The following PRKACB variants were observed in gnomAD, a reference collection of about 807,000 sequenced individuals.
PRKACB encodes the protein protein kinase cAMP-activated catalytic subunit beta, also known as cAMP-dependent protein kinase catalytic subunit beta.
In PRKACB, 16 loss-of-function variants were observed where a neutral mutation model predicts 51.4. The ratio of observed to expected loss-of-function variants is 0.31; its 90% CI spans 0.21 to 0.47. The LOEUF is 0.47. Among genes scored for constraint, PRKACB ranks in the 20% least tolerant of loss-of-function variants. The pLI is 1.00. For synonymous variants in PRKACB, 147 were observed against 154.4 expected (o/e 0.95, Z 0.35); for missense variants, 309 against 464.5 (o/e 0.67, Z 3.08).
At chr1:84,100,109 T>G (rs553676764) in intron 1 of PRKACB, among the ~76,000 whole-genome samples, 84 of 152,306 alleles carry the variant, frequency 5.5e-4, no homozygotes, top group African/African-American at 1.9e-3. Flanking sequence ...CTCAGGAAAC[T>G]TACATTCATG....
At chr1:84,188,060 A>T (rs1048292802) in intron 5 of PRKACB, among the ~76,000 whole-genome samples, 3 of 152,150 alleles carry the variant, frequency 2.0e-5, no homozygotes, top group African/African-American at 7.2e-5. Flanking sequence ...TTCCCATAAA[A>T]GTACTTACAA....
At chr1:84,120,901 G>A (rs1432295313) in intron 1 of PRKACB, among the ~76,000 whole-genome samples, 2 of 151,986 alleles carry the variant, frequency 1.3e-5, no homozygotes, top group African/African-American at 4.8e-5. Context: ...AGAAACACCA[G>A]GTAATGGTCC....
At chr1:84,219,616 G>A (rs887024462) in intron 9 of PRKACB, among the ~76,000 whole-genome samples, 8 of 150,968 alleles carry the variant, frequency 5.3e-5, no homozygotes, top group African/African-American at 2.0e-4. Context: ...TTCATTTTGA[G>A]TGATTTGGGG....
chr1:84,084,660 A>G (rs528045276), intron 1 of PRKACB, among the ~76,000 whole-genome samples: 6 of 152,264 alleles, frequency 3.9e-5, no homozygotes, highest in African/African-American at 1.2e-4. Flanking sequence ...AGCAGAATGT[A>G]TTGTACTGAT....
intron 1 of PRKACB, among the ~76,000 whole-genome samples, chr1:84,094,604 C>G (rs1648782551): frequency 6.6e-6 from 1 of 151,842 alleles, no homozygotes; most frequent in African/African-American, 2.4e-5. Context: ...TTGATACTTG[C>G]CTTATGGGTC....
At chr1:84,232,963 T>A (rs1675984022) in intron 9 of PRKACB, among the ~76,000 whole-genome samples, 2 of 152,126 alleles carry the variant, frequency 1.3e-5, no homozygotes, top group African/African-American at 4.8e-5. Context: ...ATTATGATGT[T>A]AGCTTGTTAT....
intron 1 of PRKACB, among the ~76,000 whole-genome samples, chr1:84,132,120 A>T (rs11163908): frequency 0.49 from 74,970 of 151,918 alleles, 18,989 homozygotes; most frequent in Non-Finnish European, 0.56. Context: ...ACTGGAGAAA[A>T]GCCCATGAAG....
intron 1 of PRKACB, among the ~76,000 whole-genome samples, chr1:84,159,012 A>G (rs369912000): frequency 3.6e-4 from 55 of 152,250 alleles, no homozygotes; most frequent in African/African-American, 1.2e-3. Flanking sequence ...CCTCATTCCT[A>G]TACTACACTG....
intron 1 of PRKACB, among the ~76,000 whole-genome samples, chr1:84,121,564 A>G (rs1651079230): frequency 6.6e-6 from 1 of 152,154 alleles, no homozygotes; most frequent in Non-Finnish European, 1.5e-5. Flanking sequence ...CACCTGACAT[A>G]ATGGAAAGTG....
chr1:84,199,116 C>CGT lies in PRKACB; in HGVS notation c.783+1292_783+1293insGT, dbSNP rs761066405. 9.9e-3 allele frequency among the ~76,000 whole-genome samples: 1,004 copies of CGT among 101,190 alleles called. 23 individuals are homozygous for CGT. The highest frequency in any genetic ancestry group is 0.055 in the East Asian group (199 of 3,610). The allele number at this position is 101,190 out of a possible 152,430, so 66.4% of individuals were successfully genotyped here. ...ATATATGCATATATGTATATATATG[C>CGT]ATATATATATATATATACACACACA... On this transcript the variant is annotated intron_variant, in intron 7 of 9. Transcript: ENST00000370685.
In PRKACB at chr1:84,234,156, T is replaced by A. The variant is rs573424136; in HGVS notation, c.1072-1024T>A. Among the ~76,000 whole-genome samples, 3 of 152,300 alleles carry A rather than the reference T, an allele frequency of 2.0e-5. No individual in the cohort carries two copies. The East Asian group carries it at 5.8e-4, about 29-fold the overall frequency. On this transcript the variant is annotated intron_variant, in intron 9 of 9. Coordinates refer to ENST00000370685, the MANE Select transcript of PRKACB (RefSeq NM_182948.4). ...CAGACAGGACCCTCAGCTGCAGGTC[T>A]GTTGGAGTACCTGGCCCTATGAGGT... is the stretch of plus-strand genomic sequence containing the variant.
At chr1:84,127,947 C>T (rs930416000) in intron 1 of PRKACB, among the ~76,000 whole-genome samples, 1 of 150,754 alleles carries the variant, frequency 6.6e-6, no homozygotes, top group Admixed American at 6.6e-5. Context: ...AGAGGCTTTG[C>T]TCAGGATTCC....
At chr1:84,102,027 C>T (rs1304936044) in intron 1 of PRKACB, among the ~76,000 whole-genome samples, 1 of 152,026 alleles carries the variant, frequency 6.6e-6, no homozygotes, top group South Asian at 2.1e-4. Flanking sequence ...CTGTAAGACC[C>T]TTTGCTATGA....
chr1:84,095,014 T>C (rs1029449150), intron 1 of PRKACB, among the ~76,000 whole-genome samples: 2 of 151,984 alleles, frequency 1.3e-5, no homozygotes, highest in Non-Finnish European at 2.9e-5. Context: ...CAGTATAGGA[T>C]TGTAGCCTAG....
chr1:84,202,672 G>T lies in PRKACB; in HGVS notation c.784-11G>T, dbSNP rs767176741. 6.3e-7 allele frequency: 1 copy of T among 1,587,594 alleles called. No homozygotes were observed. Among genetic ancestry groups the T allele is most frequent in the South Asian group, 1.2e-5 (1 of 85,966 alleles). ...TAAGTAACAATTGACATTGGTGTTG[G>T]TTTATCTCAGGGCTACAATAAGGCA... On this transcript the variant is annotated splice_polypyrimidine_tract_variant and intron_variant, in intron 7 of 9. Transcript: ENST00000370685.
chr1:84,103,950 A>G (rs549307540), intron 1 of PRKACB, among the ~76,000 whole-genome samples: 2 of 152,276 alleles, frequency 1.3e-5, no homozygotes, highest in Admixed American at 1.3e-4. Flanking sequence ...CTTACCATAA[A>G]CATTTATCAT....
At chr1:84,155,214 A>G (rs1419601890) in intron 1 of PRKACB, among the ~76,000 whole-genome samples, 3 of 152,190 alleles carry the variant, frequency 2.0e-5, no homozygotes, top group Admixed American at 6.6e-5. Context: ...GCATAAATCA[A>G]TAGTGTTTCT....
intron 1 of PRKACB, among the ~76,000 whole-genome samples, chr1:84,130,738 T>G (rs900922186): frequency 3.9e-5 from 6 of 152,144 alleles, no homozygotes; most frequent in Non-Finnish European, 7.3e-5. Flanking sequence ...ACCAAAGAGA[T>G]AATTCATCAA....
intron 1 of PRKACB, among the ~76,000 whole-genome samples, chr1:84,112,955 T>C (rs770564616): frequency 3.9e-5 from 6 of 152,054 alleles, no homozygotes; most frequent in Non-Finnish European, 8.8e-5. Flanking sequence ...TTTCCAAGAA[T>C]AAAACTGACA....
Sources: allele counts gnomAD v4.1 joint callset (sites outside exome capture counted in the v4.1 genomes callset), GRCh38; gene constraint gnomAD v4.1.1; transcripts MANE v1.5; gene names NCBI Gene and HGNC (gene_info 2026-07-23, HGNC 2026-07-21).